ST14: variants seen among roughly 807,000 people sequenced by gnomAD.
The protein encoded by ST14 is suppressor of tumorigenicity 14 protein.
A neutral mutation model predicts 96.5 loss-of-function variants in ST14; 40 were observed. The ratio of observed to expected loss-of-function variants is 0.41; its 90% CI spans 0.32 to 0.54. The LOEUF is 0.54. Ranked by LOEUF, ST14 falls within the 20% of genes least tolerant of loss-of-function variation. ST14 has a pLI of 0.17. For synonymous variants in ST14, 506 were observed against 492.1 expected (o/e 1.03, Z -0.37); for missense variants, 1,066 against 1,188.9 (o/e 0.90, Z 1.52).
Position 130,194,660 on chromosome 11 carries a change from A to G in ST14, c.1036A>G (p.Lys346Glu). ...RMSSCGGRLR[K>E]AQGTFNSPYY... ...CTCAGGCTGTGGAGGCCGCTTACGT[A>G]AAGCCCAGGGGACATTCAACAGCCC... Residue 346 changes from lysine to glutamate, a missense_variant, in exon 9 of 19, where the codon AAA (lysine) becomes GAA (glutamate). Coordinates refer to ENST00000278742, the MANE Select transcript of ST14 (RefSeq NM_021978.4). 1 of 1,614,166 alleles carries G rather than the reference A, an allele frequency of 6.2e-7. No homozygotes were observed. Among genetic ancestry groups the G allele is most frequent in the Non-Finnish European group, 8.5e-7 (1 of 1,180,026 alleles).
intron 1 of ST14, among the ~76,000 whole-genome samples, chr11:130,185,222 C>A (rs1158246514): frequency 1.3e-5 from 2 of 151,958 alleles, no homozygotes; most frequent in African/African-American, 4.8e-5. Context: ...TTCAAAGAAA[C>A]AGAAAGCTCT....
intron 16 of ST14, among the ~76,000 whole-genome samples, chr11:130,205,709 T>TG (rs1241131957): frequency 8.5e-5 from 8 of 94,492 alleles, no homozygotes; most frequent in Non-Finnish European, 1.2e-4. Flanking sequence ...GTTTTTTTTT[T>TG]TGTTTTTTTT....
At chr11:130,162,875 AGGAGGTAACATGCAGCCAAGACCC>A (rs1282608447) in intron 1 of ST14, among the ~76,000 whole-genome samples, 1 of 152,218 alleles carries the variant, frequency 6.6e-6, no homozygotes, top group East Asian at 1.9e-4. Flanking sequence ...ATGTGGTGGC[AGGAGGTAACATGCAGCCAAGACCC>A]GGGGCCGCCT....
intron 1 of ST14, among the ~76,000 whole-genome samples, chr11:130,167,686 C>A (rs1021201272): frequency 6.6e-6 from 1 of 151,952 alleles, no homozygotes; most frequent in African/African-American, 2.4e-5. Flanking sequence ...CAAGGAGATG[C>A]CTGAGCTGAA....
chr11:130,160,788 G>A (rs1952993156), intron 1 of ST14, among the ~76,000 whole-genome samples: 1 of 152,210 alleles, frequency 6.6e-6, no homozygotes, highest in Non-Finnish European at 1.5e-5. Flanking sequence ...TTGGGGATGG[G>A]TCGCTAGTCA....
At chr11:130,195,159 G>A (rs1953347222) in intron 9 of ST14, among the ~76,000 whole-genome samples, 1 of 152,008 alleles carries the variant, frequency 6.6e-6, no homozygotes, top group Non-Finnish European at 1.5e-5. Flanking sequence ...GAGGTGGGAG[G>A]ATCACTTAAA....
At chr11:130,183,107 C>T (rs1002762341) in intron 1 of ST14, among the ~76,000 whole-genome samples, 7 of 152,020 alleles carry the variant, frequency 4.6e-5, no homozygotes, top group South Asian at 2.1e-4. Flanking sequence ...CAGGCGTCCA[C>T]GACCACGCCT....
intron 16 of ST14, among the ~76,000 whole-genome samples, chr11:130,201,259 T>C (rs1178728063): frequency 6.6e-6 from 1 of 152,206 alleles, no homozygotes; most frequent in Admixed American, 6.5e-5. Flanking sequence ...GGAAGGAGTG[T>C]TAGGGCCTGG....
intron 1 of ST14, among the ~76,000 whole-genome samples, chr11:130,171,586 G>A (rs57920430): frequency 6.6e-6 from 1 of 152,146 alleles, no homozygotes; most frequent in East Asian, 1.9e-4. Flanking sequence ...GGTCTCTTGA[G>A]TGGTGCAAGA....
At chr11:130,197,984 TCCCCA>T (rs1953386392) in intron 12 of ST14, 39 bp downstream of exon 12, 1 of 1,532,774 alleles carries the variant, frequency 6.5e-7, no homozygotes, top group East Asian at 2.4e-5. Context: ...CCACCCTCCT[TCCCCA>T]CCCTGCCCGC....
rs778024763 is a variant in ST14 at position 130,209,826 on chromosome 11, G to C, written c.*3G>C. On this transcript the variant is annotated 3_prime_UTR_variant, in exon 19 of 19. Coordinates refer to ENST00000278742, the MANE Select transcript of ST14 (RefSeq NM_021978.4). ...TCAAAGAGAACACTGGGGTATAGGG[G>C]CCGGGGCCACCCAAATGTGTACACC... 1.7e-5 allele frequency: 27 copies of C among 1,613,364 alleles called. No individual in the cohort carries two copies. The highest frequency in any genetic ancestry group is 2.3e-5 in the Non-Finnish European group (27 of 1,180,022).
chr11:130,187,914 G>C lies in ST14; in HGVS notation c.82-200G>C, dbSNP rs1953252255. On this transcript the variant is annotated intron_variant, in intron 1 of 18. Coordinates refer to ENST00000278742, the MANE Select transcript of ST14 (RefSeq NM_021978.4). The surrounding 1 kb of genome is among the most constrained non-coding windows in gnomAD (Gnocchi z 4.5). ...GAAGGCCGACCTCATGTTCCTCCCA[G>C]AGCATGCCCAGGGTTCATGTCCCGG... 6.6e-6 allele frequency among the ~76,000 whole-genome samples: 1 copy of C among 152,216 alleles called. No individual in the cohort carries two copies. The highest frequency in any genetic ancestry group is 6.5e-5 in the Admixed American group (1 of 15,286).
At chr11:130,165,014 G>A (rs2136200930) in intron 1 of ST14, among the ~76,000 whole-genome samples, 1 of 152,282 alleles carries the variant, frequency 6.6e-6, no homozygotes, top group African/African-American at 2.4e-5. Context: ...TGGGATTACA[G>A]GTGTGAGCCA....
At position 130,181,344 on chromosome 11, in the gene ST14, GGAGCC is replaced by G. The variant is rs1953191333; in HGVS notation, c.82-6765_82-6761del. On this transcript the variant is annotated intron_variant, in intron 1 of 18. Transcript: ENST00000278742. The surrounding 1 kb of genome is among the most constrained non-coding windows in gnomAD (Gnocchi z 4.1). ...CCTCGTTCCCTTGTCTGAGTGGCCTGGAGCCGAGCTGTGTTTCTGGGTCCTTTGGC... is the reference window on the plus strand; with the variant it reads ...CCTCGTTCCCTTGTCTGAGTGGCCTGGAGCTGTGTTTCTGGGTCCTTTGGC... Among the ~76,000 whole-genome samples, 1 of 152,198 alleles carries G rather than the reference GGAGCC, an allele frequency of 6.6e-6. No homozygotes were observed. The highest frequency in any genetic ancestry group is 1.5e-5 in the Non-Finnish European group (1 of 68,034).
At chr11:130,179,553 C>T (rs1403082708) in intron 1 of ST14, among the ~76,000 whole-genome samples, 3 of 152,124 alleles carry the variant, frequency 2.0e-5, no homozygotes, top group Admixed American at 2.0e-4. Context: ...GGTGAAGTCC[C>T]GCCCTCAGGA....
chr11:130,194,233 T>C lies in ST14; in HGVS notation c.960T>C (p.Thr320=). The C allele has an allele frequency of 1.2e-6, 2 of 1,614,228 alleles. No individual in the cohort carries two copies. The highest frequency in any genetic ancestry group is 1.7e-6 in the Non-Finnish European group (2 of 1,180,034). The change falls in exon 8 of 19, where the codon ACT becomes ACC. Residue 320 remains threonine, a synonymous_variant. Transcript: ENST00000278742. ...TGCTCATCACACTGATAACCAACACTGAGCGGCGGCATCCCGGCTTTGAGG... is the reference window on the plus strand; with the variant it reads ...TGCTCATCACACTGATAACCAACACCGAGCGGCGGCATCCCGGCTTTGAGG... ...NVLLITLITN[T]ERRHPGFEAT...
chr11:130,184,353 G>A (rs142752938), intron 1 of ST14, among the ~76,000 whole-genome samples: 1 of 152,338 alleles, frequency 6.6e-6, no homozygotes, highest in African/African-American at 2.4e-5. Context: ...AAACGCTGAA[G>A]AAACGCAAAA....
chr11:130,189,980 G>A (rs1953278867), intron 5 of ST14, 84 bp downstream of exon 5: 5 of 1,610,122 alleles, frequency 3.1e-6, no homozygotes, highest in East Asian at 2.2e-5. Context: ...GCAGGGGACC[G>A]GCACTCCCAG....
In ST14 at chr11:130,188,637, G is replaced by T; in HGVS notation, c.349G>T (p.Ala117Ser). ...NSNSTEFVSL[A>S]SKVKDALKLL... The stretch of plus-strand genomic sequence containing the variant: ...CAACTCCACTGAGTTTGTAAGCCTG[G>T]CCAGCAAGGTGAAGGACGCGGTGAG... The change falls in exon 3 of 19, where the codon GCC becomes TCC. Residue 117 changes from alanine to serine, a missense_variant. Ala to Ser is a moderately conservative substitution (Grantham distance 99, BLOSUM62 1). Transcript: ENST00000278742. This position sits in a 1 kb window ranked among gnomAD's most constrained non-coding sequence, Gnocchi z 5.4. 2 of 1,614,218 alleles carry T rather than the reference G, an allele frequency of 1.2e-6. No homozygotes were observed. Among genetic ancestry groups the T allele is most frequent in the Non-Finnish European group, 1.7e-6 (2 of 1,180,032 alleles).
Sources: allele counts gnomAD v4.1 joint callset (sites outside exome capture counted in the v4.1 genomes callset), GRCh38; gene constraint gnomAD v4.1.1; non-coding constraint Gnocchi (gnomAD v3.1); transcripts MANE v1.5; gene names NCBI Gene and HGNC (gene_info 2026-07-23, HGNC 2026-07-21).